Variants in HS6ST3 observed in about 807,000 individuals in gnomAD.
HS6ST3 encodes heparan-sulfate 6-O-sulfotransferase 3.
HS6ST3 carries 12 observed loss-of-function variants against 36.7 expected under a neutral mutation model. That is an observed-to-expected ratio of 0.33 (90% CI 0.21 to 0.53). The LOEUF is 0.53. Ranked by LOEUF, HS6ST3 falls within the 20% of genes least tolerant of loss-of-function variation. The pLI is 0.95. For missense variants in HS6ST3, 584 were observed against 640.9 expected (o/e 0.91, Z 0.96); for synonymous variants, 240 against 257.5 (o/e 0.93, Z 0.65).
chr13:96,450,726 C>G (rs188743272), intron 1 of HS6ST3, among the ~76,000 whole-genome samples: 184 of 152,280 alleles, frequency 1.2e-3, no homozygotes, highest in African/African-American at 4.2e-3. Context: ...ATTTTCTTTG[C>G]TGAGAAAAAG....
At chr13:96,284,970 TCTTTCTTG>T (rs2054794812) in intron 1 of HS6ST3, among the ~76,000 whole-genome samples, 2 of 138,006 alleles carry the variant, frequency 1.4e-5, no homozygotes, top group Admixed American at 7.5e-5. Context: ...TTTCTTTCTT[TCTTTCTTG>T]AAAACTGAGA....
At chr13:96,558,069 T>C (rs571778454) in intron 1 of HS6ST3, among the ~76,000 whole-genome samples, 1 of 152,358 alleles carries the variant, frequency 6.6e-6, no homozygotes, top group African/African-American at 2.4e-5. Context: ...CGTTTTTCTT[T>C]AAATTCTTCT....
At chr13:96,513,786 T>A (rs2056060501) in intron 1 of HS6ST3, among the ~76,000 whole-genome samples, 1 of 151,990 alleles carries the variant, frequency 6.6e-6, no homozygotes, top group Non-Finnish European at 1.5e-5. Context: ...TAAGAGGATT[T>A]TTAAATAGGG....
chr13:96,268,942 C>G (rs941559599), intron 1 of HS6ST3, among the ~76,000 whole-genome samples: 4 of 152,004 alleles, frequency 2.6e-5, no homozygotes, highest in Admixed American at 6.6e-5. Flanking sequence ...TAGCACCACT[C>G]TGGCTGGTAA....
chr13:96,789,085 C>A (rs1594860429), intron 1 of HS6ST3, among the ~76,000 whole-genome samples: 3 of 151,054 alleles, frequency 2.0e-5, no homozygotes, highest in South Asian at 4.2e-4. Flanking sequence ...TGTTTTAATT[C>A]TTTTCTTTCT....
At chr13:96,351,624 T>A (rs1594760280) in intron 1 of HS6ST3, among the ~76,000 whole-genome samples, 1 of 152,162 alleles carries the variant, frequency 6.6e-6, no homozygotes, top group African/African-American at 2.4e-5. Flanking sequence ...TGACAGTGTT[T>A]AACTACAAGA....
chr13:96,802,822 A>G (rs1878110514), intron 1 of HS6ST3, among the ~76,000 whole-genome samples: 1 of 152,186 alleles, frequency 6.6e-6, no homozygotes. Flanking sequence ...TCACATTTTC[A>G]GATACTTTTC....
At chr13:96,626,433 C>G (rs2056512692) in intron 1 of HS6ST3, among the ~76,000 whole-genome samples, 1 of 152,110 alleles carries the variant, frequency 6.6e-6, no homozygotes, top group Admixed American at 6.5e-5. Flanking sequence ...CACACGTGCT[C>G]TCAATTAAAG....
chr13:96,688,683 C>T (rs915520046), intron 1 of HS6ST3, among the ~76,000 whole-genome samples: 4 of 152,084 alleles, frequency 2.6e-5, no homozygotes, highest in African/African-American at 9.7e-5. Context: ...TGAACTCCCT[C>T]TCCTTTAAGG....
intron 1 of HS6ST3, among the ~76,000 whole-genome samples, chr13:96,532,283 C>T (rs1035976162): frequency 2.0e-5 from 3 of 152,168 alleles, no homozygotes; most frequent in African/African-American, 7.2e-5. Flanking sequence ...CTGTTTAATC[C>T]CTGCAACTGT....
intron 1 of HS6ST3, among the ~76,000 whole-genome samples, chr13:96,481,625 C>A (rs2055890349): frequency 6.6e-6 from 1 of 152,152 alleles, no homozygotes; most frequent in Non-Finnish European, 1.5e-5. Context: ...CCCCAGATGC[C>A]TTCTGCAGTC....
At chr13:96,655,901 A>T (rs1466707191) in intron 1 of HS6ST3, among the ~76,000 whole-genome samples, 1 of 152,146 alleles carries the variant, frequency 6.6e-6, no homozygotes, top group Non-Finnish European at 1.5e-5. Flanking sequence ...GAGATTGTGC[A>T]TCTCAAGGAC....
chr13:96,451,973 A>T (rs181554748), intron 1 of HS6ST3, among the ~76,000 whole-genome samples: 103 of 152,138 alleles, frequency 6.8e-4, no homozygotes, highest in Non-Finnish European at 9.4e-4. Flanking sequence ...TTTTTATGTG[A>T]TCGTTTTTAC....
At chr13:96,615,618 C>T (rs1414575202) in intron 1 of HS6ST3, among the ~76,000 whole-genome samples, 1 of 152,210 alleles carries the variant, frequency 6.6e-6, no homozygotes, top group African/African-American at 2.4e-5. Context: ...TCCCTCTCTT[C>T]TAGTTTGAAG....
intron 1 of HS6ST3, among the ~76,000 whole-genome samples, chr13:96,669,972 A>G (rs1436851484): frequency 1.3e-5 from 2 of 152,132 alleles, no homozygotes; most frequent in Non-Finnish European, 2.9e-5. Context: ...TTTGAGGACC[A>G]CCAGTTTTTA....
In HS6ST3 at chr13:96,637,679, A is replaced by C. The variant is rs955117906; in HGVS notation, c.708-194811A>C. On this transcript the variant is annotated intron_variant, in intron 1 of 1. Coordinates refer to ENST00000376705, the MANE Select transcript of HS6ST3 (RefSeq NM_153456.4). ...TACTGAATACTCTCCAGGTACCAGG[A>C]ATTTATTAGATGCTGTATATTCAGT... Among the ~76,000 whole-genome samples the C allele has an allele frequency of 3.3e-5, 5 of 152,132 alleles. No individual in the cohort carries two copies. The East Asian group carries it at 7.7e-4, about 24-fold the overall frequency.
At chr13:96,122,850 A>G (rs908110674) in intron 1 of HS6ST3, among the ~76,000 whole-genome samples, 2 of 152,208 alleles carry the variant, frequency 1.3e-5, no homozygotes, top group Non-Finnish European at 2.9e-5. Flanking sequence ...TATCCGAGAA[A>G]TACAAGGACA....
intron 1 of HS6ST3, among the ~76,000 whole-genome samples, chr13:96,125,269 A>C (rs2053945149): frequency 1.3e-5 from 2 of 152,286 alleles, no homozygotes; most frequent in South Asian, 2.1e-4. Flanking sequence ...CAACTGGGGG[A>C]AATATTTACT....
chr13:96,255,005 T>G (rs2054630152), intron 1 of HS6ST3, among the ~76,000 whole-genome samples: 3 of 152,216 alleles, frequency 2.0e-5, no homozygotes, highest in African/African-American at 7.2e-5. Context: ...AATGAACGCG[T>G]CAGAGTAAAT....
Sources: allele counts gnomAD v4.1 joint callset (sites outside exome capture counted in the v4.1 genomes callset), GRCh38; gene constraint gnomAD v4.1.1; transcripts MANE v1.5; gene names NCBI Gene and HGNC (gene_info 2026-07-23, HGNC 2026-07-21).